ANKRD12: variants seen among roughly 807,000 people sequenced by gnomAD.
ANKRD12 encodes the protein ankyrin repeat domain-containing protein 12.
Under a neutral mutation model 183.4 loss-of-function variants are expected in ANKRD12, and 85 were observed. The observed-to-expected ratio is 0.46, with a 90% confidence interval of 0.39 to 0.56. The LOEUF (loss-of-function observed/expected upper bound fraction) is 0.56. Ranked by LOEUF, ANKRD12 falls within the 20% of genes least tolerant of loss-of-function variation. ANKRD12 has a pLI of 0.00. For synonymous variants in ANKRD12, 914 were observed against 800.2 expected (o/e 1.14, Z -2.40); for missense variants, 2,405 against 2,357.1 (o/e 1.02, Z -0.42).
intron 10 of ANKRD12, among the ~76,000 whole-genome samples, chr18:9,267,743 G>T (rs375111205): frequency 1.3e-5 from 2 of 152,094 alleles, no homozygotes; most frequent in Admixed American, 1.3e-4. Context: ...CATTCAAAAG[G>T]TAGCAGAAGG....
intron 2 of ANKRD12, among the ~76,000 whole-genome samples, chr18:9,188,494 A>G (rs1293517244): frequency 6.6e-6 from 1 of 152,252 alleles, no homozygotes; most frequent in Admixed American, 6.5e-5. Context: ...ATGGAGAATT[A>G]TGTCCCAACA....
chr18:9,259,226 A>G (rs1878288954), intron 9 of ANKRD12, among the ~76,000 whole-genome samples: 1 of 152,076 alleles, frequency 6.6e-6, no homozygotes, highest in South Asian at 2.1e-4. Context: ...TATTTCAGTA[A>G]AAATCATTTC....
intron 1 of ANKRD12, among the ~76,000 whole-genome samples, chr18:9,172,563 G>A (rs2032845481): frequency 6.6e-6 from 1 of 152,098 alleles, no homozygotes; most frequent in African/African-American, 2.4e-5. Flanking sequence ...GTGTTTCTCA[G>A]CTCCATCAGG....
intron 1 of ANKRD12, among the ~76,000 whole-genome samples, chr18:9,149,792 A>ATTTTTTTT (rs75749856): frequency 1.5e-3 from 43 of 28,166 alleles, no homozygotes; most frequent in Non-Finnish European, 2.2e-3. Context: ...TTATTTATTA[A>ATTTTTTTT]ATTTTATTTT....
chr18:9,165,487 A>G (rs1203598664), intron 1 of ANKRD12, among the ~76,000 whole-genome samples: 1 of 152,140 alleles, frequency 6.6e-6, no homozygotes, highest in African/African-American at 2.4e-5. Flanking sequence ...CTGAAACTTC[A>G]TACCAATTGA....
chr18:9,216,954 C>A, intron 7 of ANKRD12, 54 bp downstream of exon 7: 4 of 1,533,314 alleles, frequency 2.6e-6, no homozygotes, highest in Non-Finnish European at 3.6e-6. Context: ...ATAAATTCAA[C>A]CCAAAGTAAT....
At chr18:9,213,082 A>G (rs937572389) in intron 6 of ANKRD12, among the ~76,000 whole-genome samples, 6 of 151,868 alleles carry the variant, frequency 4.0e-5, no homozygotes, top group Non-Finnish European at 7.4e-5. Context: ...TATCATATCA[A>G]TTGAGCTTTA....
chr18:9,160,042 G>T (rs1447497668), intron 1 of ANKRD12, among the ~76,000 whole-genome samples: 1 of 151,988 alleles, frequency 6.6e-6, no homozygotes, highest in African/African-American at 2.4e-5. Flanking sequence ...GTCCGAGGTG[G>T]GCAGATCACT....
chr18:9,271,085 G>GT (rs1168250705), intron 10 of ANKRD12, among the ~76,000 whole-genome samples: 9 of 152,134 alleles, frequency 5.9e-5, no homozygotes, highest in Middle Eastern at 3.4e-3. Context: ...ATTTTCTTTT[G>GT]TTTTTTTGAG....
chr18:9,220,107 GT>G (rs767835163), intron 7 of ANKRD12, among the ~76,000 whole-genome samples: 7 of 152,082 alleles, frequency 4.6e-5, no homozygotes, highest in East Asian at 1.9e-4. Context: ...ATCTAGAAAA[GT>G]TTTTTTCTTT....
intron 1 of ANKRD12, among the ~76,000 whole-genome samples, chr18:9,173,626 GT>G (rs2032969275): frequency 1.7e-5 from 2 of 120,720 alleles, no homozygotes; most frequent in African/African-American, 3.1e-5. Flanking sequence ...TGGGGGGGGG[GT>G]AGGGGGGGCA....
intron 1 of ANKRD12, among the ~76,000 whole-genome samples, chr18:9,154,605 G>C (rs1254334041): frequency 1.3e-5 from 2 of 152,180 alleles, no homozygotes; most frequent in Non-Finnish European, 1.5e-5. Flanking sequence ...TAGAAGATGG[G>C]GGTGTGTATA....
intron 1 of ANKRD12, among the ~76,000 whole-genome samples, chr18:9,154,361 A>G (rs147314515): frequency 5.8e-4 from 88 of 152,258 alleles, no homozygotes; most frequent in African/African-American, 1.9e-3. Context: ...GCAGTGCACC[A>G]TGATCATGCC....
In ANKRD12 at chr18:9,284,168, C is replaced by CT. The variant is rs879514413; in HGVS notation, c.*3044dup. The CT allele has an allele frequency of 9.2e-5, 14 of 152,178 alleles. No homozygotes were observed. The allele number at this position is 152,178 out of a possible 1,614,324, so 9.4% of individuals were successfully genotyped here. On this transcript the variant is annotated 3_prime_UTR_variant, in exon 13 of 13. Coordinates refer to ENST00000262126, the MANE Select transcript of ANKRD12 (RefSeq NM_015208.5). ...TGGAAAAAGAGCACCAATAGACTTG[C>CT]TTGAAGCAGGGTTGCCACAAACCTT... is the stretch of plus-strand genomic sequence containing the variant.
intron 8 of ANKRD12, among the ~76,000 whole-genome samples, chr18:9,226,176 G>T (rs1418663618): frequency 6.6e-6 from 1 of 152,014 alleles, no homozygotes; most frequent in African/African-American, 2.4e-5. Context: ...GTAATCCCAG[G>T]ACTCTGGGAG....
intron 8 of ANKRD12, among the ~76,000 whole-genome samples, chr18:9,222,508 CA>C (rs577427425): frequency 6.9e-6 from 1 of 145,032 alleles, no homozygotes; most frequent in African/African-American, 2.6e-5. Flanking sequence ...TTAAAGATAA[CA>C]AAAAAACATT....
At chr18:9,254,152 A>G (rs2038460159) in intron 8 of ANKRD12, 59 bp from the exon 9 acceptor site, 3 of 1,436,766 alleles carry the variant, frequency 2.1e-6, no homozygotes, top group African/African-American at 2.9e-5. Context: ...AAAAAAAATT[A>G]TTTTTCTGGC....
At chr18:9,141,478 A>G (rs1474000162) in intron 1 of ANKRD12, among the ~76,000 whole-genome samples, 1 of 152,240 alleles carries the variant, frequency 6.6e-6, no homozygotes, top group Admixed American at 6.5e-5. Context: ...ACAGTATCCA[A>G]GACCAGGTTT....
chr18:9,169,854 T>C lies in ANKRD12; in HGVS notation c.-51-12528T>C, dbSNP rs570926089. Among the ~76,000 whole-genome samples, 532 of 152,322 alleles carry C rather than the reference T, an allele frequency of 3.5e-3. 4 individuals are homozygous for C. Among genetic ancestry groups the C allele is most frequent in the Non-Finnish European group, 6.3e-3 (431 of 68,030 alleles). ...ATGTTTTTGCAGTGGCTGGTACCAG[T>C]TGTTCCTTTCCATGTTTAGTGCTTC... On this transcript the variant is annotated intron_variant, in intron 1 of 12. Coordinates refer to ENST00000262126, the MANE Select transcript of ANKRD12 (RefSeq NM_015208.5).
Sources: allele counts gnomAD v4.1 joint callset (sites outside exome capture counted in the v4.1 genomes callset), GRCh38; gene constraint gnomAD v4.1.1; transcripts MANE v1.5; gene names NCBI Gene and HGNC (gene_info 2026-07-23, HGNC 2026-07-21).